The following CCDC7 variants were observed in gnomAD, a reference collection of about 807,000 sequenced individuals.
CCDC7 encodes the protein coiled-coil domain containing 7.
In CCDC7, 183 loss-of-function variants were observed where a neutral mutation model predicts 196.9. The observed-to-expected ratio is 0.93, with a 90% CI of 0.82 to 1.05. The LOEUF (loss-of-function observed/expected upper bound fraction) is 1.05, where lower values mean the gene tolerates loss of function less well. Ranked by LOEUF, CCDC7 falls within the 50% of genes least tolerant of loss-of-function variation. CCDC7 has a pLI of 0.00. For missense variants in CCDC7, 1,540 were observed against 1,482.2 expected (o/e 1.04, Z -0.64); for synonymous variants, 525 against 484.6 (o/e 1.08, Z -1.10).
chr10:32,757,451 C>T (rs1236983689), intron 28 of CCDC7, among the ~76,000 whole-genome samples: 1 of 152,202 alleles, frequency 6.6e-6, no homozygotes, highest in Non-Finnish European at 1.5e-5. Flanking sequence ...AAGAAACTCA[C>T]TCAAAACCGC....
chr10:32,857,639 G>C (rs1370519485), intron 41 of CCDC7, among the ~76,000 whole-genome samples: 1 of 152,048 alleles, frequency 6.6e-6, no homozygotes, highest in African/African-American at 2.4e-5. Flanking sequence ...GTAATTCTAA[G>C]AGGGAAGCTT....
chr10:32,696,857 T>C (rs1450275993), intron 24 of CCDC7, among the ~76,000 whole-genome samples: 2 of 152,152 alleles, frequency 1.3e-5, no homozygotes, highest in African/African-American at 2.4e-5. Context: ...GAATTTGACA[T>C]GTACAGGCCA....
chr10:32,617,882 A>G (rs2062950913), intron 18 of CCDC7, among the ~76,000 whole-genome samples: 1 of 151,814 alleles, frequency 6.6e-6, no homozygotes, highest in African/African-American at 2.4e-5. Context: ...TGTGATGTTG[A>G]CGTCCTCCTC....
intron 19 of CCDC7, 87 bp downstream of exon 20, chr10:32,634,451 C>T: frequency 2.0e-6 from 1 of 498,412 alleles, no homozygotes; most frequent in Non-Finnish European, 3.0e-6. Context: ...GGCTGGAGTG[C>T]AGTGGCATGA....
chr10:32,690,141 C>G (rs529942294), intron 23 of CCDC7, among the ~76,000 whole-genome samples: 1 of 152,160 alleles, frequency 6.6e-6, no homozygotes, highest in African/African-American at 2.4e-5. Flanking sequence ...TATCCAGGTA[C>G]TAAGTAACTG....
chr10:32,559,385 AC>A (rs1190138620), intron 13 of CCDC7, among the ~76,000 whole-genome samples: 34 of 152,154 alleles, frequency 2.2e-4, no homozygotes, highest in Non-Finnish European at 3.5e-4. Flanking sequence ...TGGGTGCCTG[AC>A]CCCTGACCCC....
chr10:32,827,147 C>T (rs541988233), intron 32 of CCDC7, among the ~76,000 whole-genome samples: 26 of 152,324 alleles, frequency 1.7e-4, no homozygotes, highest in Middle Eastern at 3.4e-3. Context: ...TCCCCAGCCA[C>T]GCCTGTCATT....
chr10:32,556,859 CT>C (rs2054438056), intron 13 of CCDC7, among the ~76,000 whole-genome samples: 1 of 152,142 alleles, frequency 6.6e-6, no homozygotes, highest in African/African-American at 2.4e-5. Context: ...TCTAGCTCTG[CT>C]TTAGTAGGGG....
At chr10:32,580,238 A>T (rs868280523) in intron 16 of CCDC7, among the ~76,000 whole-genome samples, 27 of 152,130 alleles carry the variant, frequency 1.8e-4, no homozygotes, top group African/African-American at 6.0e-4. Flanking sequence ...AGCTAGATGT[A>T]GCTAGGCAAC....
intron 28 of CCDC7, among the ~76,000 whole-genome samples, chr10:32,738,140 A>C (rs984205466): frequency 6.6e-6 from 1 of 152,090 alleles, no homozygotes; most frequent in Non-Finnish European, 1.5e-5. Context: ...GGCTTTAATT[A>C]CATATTTAAT....
intron 24 of CCDC7, 125 bp from the exon 26 acceptor site, chr10:32,711,495 G>A (rs538781400): frequency 3.3e-5 from 19 of 576,126 alleles, no homozygotes; most frequent in Admixed American, 1.6e-4. Flanking sequence ...TAGCATTAAG[G>A]TAGTTTACTT....
At chr10:32,829,264 GGA>G (rs773994819) in intron 32 of CCDC7, among the ~76,000 whole-genome samples, 253 of 152,120 alleles carry the variant, frequency 1.7e-3, no homozygotes, top group Non-Finnish European at 2.7e-3. Flanking sequence ...CACTCCACCG[GGA>G]AAAAATTTCA....
At chr10:32,518,272 T>TAAAATA in intron 10 of CCDC7, 144 bp from the exon 12 acceptor site, 1 of 820,522 alleles carries the variant, frequency 1.2e-6, no homozygotes, top group Non-Finnish European at 1.7e-6. Flanking sequence ...CTCCAATTAT[T>TAAAATA]GTGTCACTCT....
At chr10:32,748,477 GCT>G (rs1371477395) in intron 28 of CCDC7, among the ~76,000 whole-genome samples, 2 of 152,128 alleles carry the variant, frequency 1.3e-5, no homozygotes, top group Non-Finnish European at 2.9e-5. Flanking sequence ...TGTAATGCTT[GCT>G]CTGTCTCTTC....
At chr10:32,502,170 G>T (rs1352737208) in intron 9 of CCDC7, among the ~76,000 whole-genome samples, 1 of 152,172 alleles carries the variant, frequency 6.6e-6, no homozygotes, top group African/African-American at 2.4e-5. Flanking sequence ...GGACTCTGTG[G>T]GGGTGGGACC....
chr10:32,587,426 C>G (rs1156500412), intron 18 of CCDC7, among the ~76,000 whole-genome samples: 4 of 152,172 alleles, frequency 2.6e-5, no homozygotes, highest in Non-Finnish European at 4.4e-5. Flanking sequence ...GGGGGACAAA[C>G]TCGGGAGCCT....
In CCDC7 at chr10:32,817,492, C is replaced by A. The variant is rs538269644; in HGVS notation, c.3181+3039C>A. ...AATTCAGGAAATACAGAGAAAGCCA[C>A]AAAGATACTCCTCGAGAAGAGCAAC... On this transcript the variant is annotated intron_variant, in intron 31 of 41. Coordinates refer to ENST00000639629, the Ensembl canonical transcript of CCDC7. 3.2e-3 allele frequency among the ~76,000 whole-genome samples: 490 copies of A among 152,142 alleles called. 2 individuals are homozygous for A. Among genetic ancestry groups the A allele is most frequent in the African/African-American group, 0.011 (465 of 41,480 alleles).
At chr10:32,839,851 C>A (rs1189658057) in intron 33 of CCDC7, among the ~76,000 whole-genome samples, 1 of 151,926 alleles carries the variant, frequency 6.6e-6, no homozygotes, top group Non-Finnish European at 1.5e-5. Context: ...CCAAAAGGAA[C>A]CCTAAAAATC....
At chr10:32,746,445 G>A (rs902407066) in intron 28 of CCDC7, among the ~76,000 whole-genome samples, 7 of 152,150 alleles carry the variant, frequency 4.6e-5, no homozygotes, top group Admixed American at 2.0e-4. Flanking sequence ...AGGGTTTGGC[G>A]CTGCAATGAC....
Sources: allele counts gnomAD v4.1 joint callset (sites outside exome capture counted in the v4.1 genomes callset), GRCh38; gene constraint gnomAD v4.1.1; transcripts MANE v1.5; gene names NCBI Gene and HGNC (gene_info 2026-07-23, HGNC 2026-07-21).